CTTN: variants seen among roughly 807,000 people sequenced by gnomAD.
CTTN encodes cortactin.
In CTTN, 28 loss-of-function variants were observed where a neutral mutation model predicts 84.0. The ratio of observed to expected loss-of-function variants is 0.33; its 90% CI spans 0.25 to 0.46. The LOEUF (loss-of-function observed/expected upper bound fraction) is 0.46. Among genes scored for constraint, CTTN ranks in the 20% least tolerant of loss-of-function variants. The probability of loss-of-function intolerance (pLI) is 1.00; values close to 1 mark genes in which losing one functional copy is unlikely to be tolerated. For synonymous variants in CTTN, 301 were observed against 288.8 expected (o/e 1.04, Z -0.43); for missense variants, 641 against 723.8 (o/e 0.89, Z 1.31).
At chr11:70,402,954 A>G (rs930775790) in intron 1 of CTTN, among the ~76,000 whole-genome samples, 14 of 152,084 alleles carry the variant, frequency 9.2e-5, no homozygotes, top group South Asian at 2.1e-4. Flanking sequence ...CAGTTTTTCA[A>G]CACTGTTGCT....
At chr11:70,421,396 A>G (rs2058234647) in intron 10 of CTTN, 74 bp from the exon 11 acceptor site, 1 of 1,049,512 alleles carries the variant, frequency 9.5e-7, no homozygotes, top group South Asian at 1.3e-5. Flanking sequence ...ATTTTTGCGC[A>G]TGCTCATGCA....
chr11:70,407,417 A>G (rs766114171), intron 3 of CTTN, 33 bp downstream of exon 3: 20 of 1,611,966 alleles, frequency 1.2e-5, no homozygotes, highest in African/African-American at 5.3e-5. Flanking sequence ...TTCCTCTTTC[A>G]TGAAGTGGAA....
At chr11:70,421,402 A>G in intron 10 of CTTN, 68 bp from the exon 11 acceptor site, 3 of 1,123,324 alleles carry the variant, frequency 2.7e-6, no homozygotes, top group South Asian at 2.5e-5. Context: ...GCGCATGCTC[A>G]TGCAATTCTA....
chr11:70,424,684 C>T (rs577392596), intron 12 of CTTN, among the ~76,000 whole-genome samples: 2 of 151,852 alleles, frequency 1.3e-5, no homozygotes, highest in African/African-American at 2.4e-5. Context: ...GAGGAGGGAG[C>T]GGGGTCCGAG....
intron 15 of CTTN, among the ~76,000 whole-genome samples, chr11:70,432,165 AC>A (rs200587397): frequency 0.018 from 2,788 of 152,074 alleles, 39 homozygotes; most frequent in Non-Finnish European, 0.028. Flanking sequence ...TGCTGCCTTT[AC>A]CCTGCCGGGC....
chr11:70,407,681 GC>G, intron 4 of CTTN, 90 bp downstream of exon 4: 1 of 1,208,416 alleles, frequency 8.3e-7, no homozygotes, highest in Non-Finnish European at 1.2e-6. Flanking sequence ...TGGAGGGACA[GC>G]CCGTGTGGAA....
At chr11:70,432,412 T>C (rs1343452654) in intron 15 of CTTN, among the ~76,000 whole-genome samples, 4 of 152,216 alleles carry the variant, frequency 2.6e-5, no homozygotes, top group Admixed American at 1.3e-4. Flanking sequence ...CCAGATCTCC[T>C]GGGTGCGCGG....
At chr11:70,413,780 C>CT (rs988723466) in intron 5 of CTTN, among the ~76,000 whole-genome samples, 6 of 152,210 alleles carry the variant, frequency 3.9e-5, no homozygotes, top group Non-Finnish European at 8.8e-5. Context: ...GTCTTGCAGA[C>CT]TATTTTTGTT....
Position 70,432,729 on chromosome 11 carries a change from T to C in CTTN, c.1267-372T>C, listed in dbSNP as rs568595544. 3.0e-3 allele frequency among the ~76,000 whole-genome samples: 462 copies of C among 152,230 alleles called. 4 individuals carry two copies. Among genetic ancestry groups the C allele is most frequent in the African/African-American group, 0.011 (448 of 41,536 alleles). On this transcript the variant is annotated intron_variant, in intron 15 of 17. Coordinates refer to ENST00000301843, the MANE Select transcript of CTTN (RefSeq NM_005231.4). ...GTGGCCGCTCGGCCCAAGGGTGCCTTGTGTGGCCTTGGAGATGAGGCCTAA... is the reference window on the plus strand; with the variant it reads ...GTGGCCGCTCGGCCCAAGGGTGCCTCGTGTGGCCTTGGAGATGAGGCCTAA...
At chr11:70,430,143 A>ACTAC (rs1306957772) in intron 14 of CTTN, among the ~76,000 whole-genome samples, 1 of 152,220 alleles carries the variant, frequency 6.6e-6, no homozygotes, top group Non-Finnish European at 1.5e-5. Flanking sequence ...ACAAGACAGC[A>ACTAC]CTACCATTGT....
At chr11:70,422,419 C>A in intron 11 of CTTN, 1 of 1,000,258 alleles carries the variant, frequency 1.0e-6, no homozygotes, top group Non-Finnish European at 1.4e-6. Flanking sequence ...TGCTGCATGA[C>A]AGTGTGACTT....
At chr11:70,434,883 C>CA in intron 17 of CTTN, 143 bp from the exon 18 acceptor site, 1 of 829,150 alleles carries the variant, frequency 1.2e-6, no homozygotes, top group Admixed American at 1.9e-5. Context: ...GGAGAGGCAG[C>CA]AGGAGCCTCC....
intron 13 of CTTN, among the ~76,000 whole-genome samples, chr11:70,427,941 G>A (rs1485584289): frequency 6.6e-6 from 1 of 152,128 alleles, no homozygotes; most frequent in African/African-American, 2.4e-5. Flanking sequence ...TGACACAATA[G>A]GCTTAGTTCA....
Position 70,436,364 on chromosome 11 carries a change from G to C in CTTN, c.*1202G>C. ...GGTGGGCGGTGTGTCTTTCCAGAAG[G>C]TCACGTGGAAATGTCTCGGGACTTG... On this transcript the variant is annotated 3_prime_UTR_variant, in exon 18 of 18. Transcript: ENST00000301843. 1 of 1,598,388 alleles carries C rather than the reference G, an allele frequency of 6.3e-7. No individual in the cohort carries two copies. The highest frequency in any genetic ancestry group is 1.7e-4 in the Middle Eastern group (1 of 6,058).
At chr11:70,404,210 C>A (rs141340155) in intron 1 of CTTN, among the ~76,000 whole-genome samples, 1 of 152,266 alleles carries the variant, frequency 6.6e-6, no homozygotes, top group East Asian at 1.9e-4. Context: ...AATTAATTAC[C>A]AGGAGGGCCA....
chr11:70,435,265 T>TG lies in CTTN; in HGVS notation c.*103_*104insG. The TG allele has an allele frequency of 2.2e-6, 3 of 1,388,466 alleles. No individual in the cohort carries two copies. Among genetic ancestry groups the TG allele is most frequent in the Non-Finnish European group, 2.8e-6 (3 of 1,076,556 alleles). 86.0% of individuals were successfully genotyped at this position (1,388,466 alleles called of 1,614,324 possible). A position where few individuals can be genotyped will look rare whatever the true frequency, so the allele number is the denominator to read the frequency against. ...TTGGGTTTTTTCTGTTTTTTTTTTT[T>TG]TTTTTTTTTTTTTGAAGGTGGGGAG... is the stretch of plus-strand genomic sequence containing the variant. On this transcript the variant is annotated 3_prime_UTR_variant, in exon 18 of 18. Coordinates refer to ENST00000301843, the MANE Select transcript of CTTN (RefSeq NM_005231.4).
chr11:70,416,062 C>G lies in CTTN; in HGVS notation c.457+345C>G, dbSNP rs547492332. The G allele has an allele frequency of 1.4e-4, 38 of 267,652 alleles. 1 individual carries two copies. The Admixed American group carries it at 1.5e-3, about 10-fold the overall frequency. The allele number at this position is 267,652 out of a possible 1,614,324, so 16.6% of individuals were successfully genotyped here. The stretch of plus-strand genomic sequence containing the variant: ...TGGAAAAGAGAGCTCACAGATTGAT[C>G]GGCAGAAAGCTAACTTCCCCCCAAG... On this transcript the variant is annotated intron_variant, in intron 7 of 17. Coordinates refer to ENST00000301843, the MANE Select transcript of CTTN (RefSeq NM_005231.4).
rs564342805 is a variant in CTTN, at chr11:70,436,509, C to T, written c.*1347C>T. The T allele has an allele frequency of 1.0e-6, 1 of 956,788 alleles. No individual in the cohort carries two copies. The highest frequency in any genetic ancestry group is 1.6e-5 in the African/African-American group (1 of 61,502). The allele number at this position is 956,788 out of a possible 1,614,324, so 59.3% of individuals were successfully genotyped here. ...TATGCAACTTATTGTATCTGAATTC[C>T]TGTAGCACACCTCATAGGTATGATT... is the stretch of plus-strand genomic sequence containing the variant. On this transcript the variant is annotated 3_prime_UTR_variant, in exon 18 of 18. Transcript: ENST00000301843.
At chr11:70,420,001 A>G (rs2058211974) in intron 9 of CTTN, 145 bp downstream of exon 9, 2 of 652,050 alleles carry the variant, frequency 3.1e-6, no homozygotes, top group African/African-American at 3.7e-5. Context: ...TGAAAACGGC[A>G]CATCCAGAAA....
Sources: allele counts gnomAD v4.1 joint callset (sites outside exome capture counted in the v4.1 genomes callset), GRCh38; gene constraint gnomAD v4.1.1; transcripts MANE v1.5; gene names NCBI Gene and HGNC (gene_info 2026-07-23, HGNC 2026-07-21).